PTPRK: variants seen among roughly 807,000 people sequenced by gnomAD.
PTPRK encodes the protein receptor-type tyrosine-protein phosphatase kappa.
PTPRK carries 75 observed loss-of-function variants against 178.0 expected under a neutral mutation model. The observed-to-expected ratio is 0.42, with a 90% CI of 0.35 to 0.51. PTPRK has a LOEUF of 0.51. Among genes scored for constraint, PTPRK ranks in the 20% least tolerant of loss-of-function variants. The pLI, the probability that PTPRK is intolerant of heterozygous loss-of-function variation, is 0.02. For synonymous variants in PTPRK, 637 were observed against 620.6 expected, an observed-to-expected ratio of 1.03 and a Z score of -0.39; for missense variants, 1,441 against 1,797.8, an observed-to-expected ratio of 0.80 and a Z score of 3.59.
chr6:128,041,539 G>T (rs1777164273), intron 13 of PTPRK, among the ~76,000 whole-genome samples: 1 of 151,850 alleles, frequency 6.6e-6, no homozygotes, highest in African/African-American at 2.4e-5. Flanking sequence ...ATAGAAAAAA[G>T]AGGCAGAAAT....
chr6:128,451,982 C>A (rs1159178127), intron 1 of PTPRK, among the ~76,000 whole-genome samples: 2 of 152,140 alleles, frequency 1.3e-5, no homozygotes, highest in South Asian at 2.1e-4. Flanking sequence ...ATGCCAAGCA[C>A]CATGTTTATT....
intron 1 of PTPRK, among the ~76,000 whole-genome samples, chr6:128,420,298 T>C (rs557339393): frequency 4.3e-4 from 66 of 152,320 alleles, no homozygotes; most frequent in African/African-American, 1.5e-3. Flanking sequence ...TTTCTATGCA[T>C]AGGGAAATTA....
At chr6:128,381,141 A>C (rs1837853582) in intron 2 of PTPRK, among the ~76,000 whole-genome samples, 1 of 152,192 alleles carries the variant, frequency 6.6e-6, no homozygotes, top group Non-Finnish European at 1.5e-5. Flanking sequence ...TATAGACTGC[A>C]GCTGCTGTCA....
intron 3 of PTPRK, among the ~76,000 whole-genome samples, chr6:128,304,088 T>C (rs1335046724): frequency 6.6e-6 from 1 of 152,198 alleles, no homozygotes; most frequent in African/African-American, 2.4e-5. Flanking sequence ...TTGCCTGTGG[T>C]TTACCTAAAA....
At chr6:128,310,672 A>G (rs1165270460) in intron 3 of PTPRK, among the ~76,000 whole-genome samples, 1 of 152,170 alleles carries the variant, frequency 6.6e-6, no homozygotes, top group Non-Finnish European at 1.5e-5. Flanking sequence ...AACATGAACA[A>G]GGAGCTTCCT....
chr6:128,195,049 AAT>A (rs1201544633), intron 6 of PTPRK, among the ~76,000 whole-genome samples: 17 of 150,844 alleles, frequency 1.1e-4, no homozygotes, highest in African/African-American at 4.2e-4. Context: ...CACATATGTA[AAT>A]ATATGTGATA....
At chr6:128,126,025 A>C (rs143347661) in intron 7 of PTPRK, among the ~76,000 whole-genome samples, 3,873 of 152,186 alleles carry the variant, frequency 0.025, 74 homozygotes, top group Middle Eastern at 0.092. Flanking sequence ...TTATGTATAA[A>C]GTGATAGCTA....
intron 1 of PTPRK, among the ~76,000 whole-genome samples, chr6:128,479,645 T>C (rs995821695): frequency 6.6e-6 from 1 of 152,110 alleles, no homozygotes; most frequent in African/African-American, 2.4e-5. Context: ...CTTGGATAGA[T>C]GGTAAACCAG....
intron 1 of PTPRK, among the ~76,000 whole-genome samples, chr6:128,406,108 A>T (rs983642404): frequency 3.3e-5 from 5 of 151,938 alleles, no homozygotes; most frequent in South Asian, 4.1e-4. Flanking sequence ...AATAAATAAA[A>T]AAAAATTAGC....
intron 14 of PTPRK, chr6:128,008,059 T>C (rs984837628): frequency 7.4e-6 from 10 of 1,349,378 alleles, no homozygotes; most frequent in Non-Finnish European, 9.9e-6. Flanking sequence ...ATGTTTCTAA[T>C]GCAGATGTGT....
At chr6:128,488,293 C>T (rs768874691) in intron 1 of PTPRK, among the ~76,000 whole-genome samples, 20 of 152,202 alleles carry the variant, frequency 1.3e-4, no homozygotes, top group Non-Finnish European at 2.2e-4. Context: ...ATTCTAGCTG[C>T]GCTGGCAGCT....
chr6:128,380,961 T>A (rs750552133), intron 2 of PTPRK, among the ~76,000 whole-genome samples: 7 of 151,874 alleles, frequency 4.6e-5, no homozygotes, highest in Non-Finnish European at 1.0e-4. Context: ...TCCAGATTTT[T>A]AAATATATGA....
In PTPRK at chr6:128,029,684, A is replaced by C. The variant is rs761372016; in HGVS notation, c.2195-20416T>G. Among the ~76,000 whole-genome samples the C allele has an allele frequency of 3.2e-3, 460 of 143,436 alleles. 4 individuals carry two copies. The highest frequency in any genetic ancestry group is 6.1e-3 in the Admixed American group (85 of 13,910). The allele number at this position is 143,436 out of a possible 152,430, so 94.1% of individuals were successfully genotyped here. A position where few individuals can be genotyped will look rare whatever the true frequency, so the allele number is the denominator to read the frequency against. ...TAATAATAATAATAATAATAATAAT[A>C]ATAATCCAGCCTCACATATTACTTT... On this transcript the variant is annotated intron_variant, in intron 13 of 29. Transcript: ENST00000368226.
intron 2 of PTPRK, among the ~76,000 whole-genome samples, chr6:128,355,345 T>C (rs1301365684): frequency 6.6e-6 from 1 of 152,232 alleles, no homozygotes; most frequent in Admixed American, 6.5e-5. Context: ...AAATTTAAAA[T>C]AGTAGAATAA....
intron 7 of PTPRK, among the ~76,000 whole-genome samples, chr6:128,133,217 A>C (rs910557444): frequency 2.0e-5 from 3 of 152,250 alleles, no homozygotes; most frequent in Non-Finnish European, 1.5e-5. Context: ...TAGTTTAGAC[A>C]AGATGAATAG....
intron 2 of PTPRK, among the ~76,000 whole-genome samples, chr6:128,330,979 T>C (rs939457478): frequency 6.6e-6 from 1 of 152,230 alleles, no homozygotes; most frequent in Non-Finnish European, 1.5e-5. Context: ...TGTCCTCAGC[T>C]GGCTGATTTT....
Position 127,999,885 on chromosome 6 carries a change from T to G in PTPRK, c.2495-981A>C, listed in dbSNP as rs1777598383. The stretch of plus-strand genomic sequence containing the variant: ...AACTGAATCCCTGACCACTCACAAT[T>G]AAGCGTAAGTCCCTTCCCAATTGTG... On this transcript the variant is annotated intron_variant, in intron 15 of 29. Coordinates refer to ENST00000368226, the MANE Select transcript of PTPRK (RefSeq NM_002844.4). 3 of 806,718 alleles carry G rather than the reference T, an allele frequency of 3.7e-6. No individual in the cohort carries two copies. In the African/African-American group the frequency reaches 5.6e-5, roughly 15 times the overall value. 50.0% of individuals were successfully genotyped at this position (806,718 alleles called of 1,614,324 possible).
At chr6:128,038,848 T>C (rs1277995707) in intron 13 of PTPRK, among the ~76,000 whole-genome samples, 1 of 152,072 alleles carries the variant, frequency 6.6e-6, no homozygotes, top group Non-Finnish European at 1.5e-5. Context: ...TCATTCTTCA[T>C]GCAACAATTT....
intron 6 of PTPRK, among the ~76,000 whole-genome samples, chr6:128,185,797 G>A (rs778670702): frequency 6.6e-6 from 1 of 152,066 alleles, no homozygotes; most frequent in African/African-American, 2.4e-5. Flanking sequence ...GGGAAGTCAT[G>A]AGCACATAAT....
Sources: allele counts gnomAD v4.1 joint callset (sites outside exome capture counted in the v4.1 genomes callset), GRCh38; gene constraint gnomAD v4.1.1; transcripts MANE v1.5; gene names NCBI Gene and HGNC (gene_info 2026-07-23, HGNC 2026-07-21).